Variants in AMOTL1 observed in about 807,000 individuals in gnomAD.
AMOTL1 encodes angiomotin like 1.
In AMOTL1, 45 loss-of-function variants were observed where a neutral mutation model predicts 102.9. That is an observed-to-expected ratio of 0.44 (90% CI 0.34 to 0.56). The LOEUF (loss-of-function observed/expected upper bound fraction) is 0.56, where lower values mean the gene tolerates loss of function less well. AMOTL1 is among the 20% of genes least tolerant of loss of function. The pLI is 0.01. For missense variants in AMOTL1, 1,114 were observed against 1,225.6 expected (o/e 0.91, Z 1.36); for synonymous variants, 481 against 484.7 (o/e 0.99, Z 0.10).
chr11:94,866,354 A>AC, intron 11 of AMOTL1, 186 bp downstream of exon 11: 1 of 623,552 alleles, frequency 1.6e-6, no homozygotes, highest in Non-Finnish European at 2.8e-6. Context: ...AATTCTAAAG[A>AC]CTGCACCACT....
chr11:94,800,233 C>A lies in AMOTL1; in HGVS notation c.1043C>A (p.Pro348His). The change falls in exon 3 of 13, where the codon CCC (proline) becomes CAC (histidine). Residue 348 changes from proline (P) to histidine (H), a missense_variant. Coordinates refer to ENST00000433060, the MANE Select transcript of AMOTL1 (RefSeq NM_130847.3). ...GGGATGCTCCACGAGATGGTCAAGCCCTACCCTGCTCCTCAGCCTGTGAGA... is the reference window on the plus strand; with the variant it reads ...GGGATGCTCCACGAGATGGTCAAGCACTACCCTGCTCCTCAGCCTGTGAGA... ...HPGMLHEMVK[P>H]YPAPQPVRTD... 6.2e-7 allele frequency: 1 copy of A among 1,613,992 alleles called. No homozygotes were observed. Among genetic ancestry groups the A allele is most frequent in the Non-Finnish European group, 8.5e-7 (1 of 1,179,880 alleles).
In AMOTL1 at chr11:94,790,959, A is replaced by AT. The variant is rs200795988; in HGVS notation, c.50-4044dup. Reference sequence around the variant, plus strand: ...CAACTCACTTCATTCACCTTAATTCATTTTTTTTCCCTTCAACAATGAAGC... The same window carrying AT: ...CAACTCACTTCATTCACCTTAATTCATTTTTTTTTCCCTTCAACAATGAAGC... On this transcript the variant is annotated intron_variant, in intron 1 of 12. Transcript: ENST00000433060. Among the ~76,000 whole-genome samples the AT allele has an allele frequency of 9.3e-4, 141 of 151,752 alleles. 1 individual carries two copies. In the East Asian group the frequency reaches 0.018, roughly 19 times the overall value.
At chr11:94,708,212 T>G in intron 1 of AMOTL1, among the ~76,000 whole-genome samples, 1 of 152,212 alleles carries the variant, frequency 6.6e-6, no homozygotes, top group East Asian at 1.9e-4. Flanking sequence ...AAGCTTCTTG[T>G]TTTACTAAGC....
chr11:94,784,533 T>A (rs951192521), intron 1 of AMOTL1, among the ~76,000 whole-genome samples: 4 of 152,200 alleles, frequency 2.6e-5, no homozygotes. Flanking sequence ...TGAAAAGTAA[T>A]AAATTATAGG....
chr11:94,845,276 C>CT (rs1565378525), intron 6 of AMOTL1, among the ~76,000 whole-genome samples: 1 of 152,204 alleles, frequency 6.6e-6, no homozygotes, highest in East Asian at 1.9e-4. Context: ...AAGGGGACAT[C>CT]TTTGAATTAT....
intron 3 of AMOTL1, among the ~76,000 whole-genome samples, chr11:94,741,880 G>A (rs115069294): frequency 0.013 from 2,034 of 152,258 alleles, 47 homozygotes; most frequent in African/African-American, 0.046. Flanking sequence ...AGGAGGAGGG[G>A]AACTGTCCAC....
At chr11:94,795,367 CTCTG>C (rs1371476589) in intron 2 of AMOTL1, among the ~76,000 whole-genome samples, 4 of 152,118 alleles carry the variant, frequency 2.6e-5, no homozygotes, top group South Asian at 4.1e-4. Context: ...TAATATGTGA[CTCTG>C]TCTGAGAGCA....
intron 7 of AMOTL1, among the ~76,000 whole-genome samples, chr11:94,853,356 G>A (rs546049635): frequency 4.5e-4 from 68 of 150,916 alleles, no homozygotes; most frequent in Middle Eastern, 6.8e-3. Flanking sequence ...GTGCCTATAT[G>A]TTCTCATTGT....
At chr11:94,842,254 A>G (rs1464583476) in intron 6 of AMOTL1, among the ~76,000 whole-genome samples, 1 of 152,218 alleles carries the variant, frequency 6.6e-6, no homozygotes, top group Non-Finnish European at 1.5e-5. Context: ...AGTCCTACGA[A>G]GATAGAAGGG....
intron 3 of AMOTL1, among the ~76,000 whole-genome samples, chr11:94,753,419 T>A (rs1950682491): frequency 6.6e-6 from 1 of 151,832 alleles, no homozygotes; most frequent in Non-Finnish European, 1.5e-5. Context: ...TTGCTGACAT[T>A]GAAAAAAGAT....
intron 6 of AMOTL1, among the ~76,000 whole-genome samples, chr11:94,841,008 C>T (rs1952291071): frequency 6.6e-6 from 1 of 152,068 alleles, no homozygotes; most frequent in Admixed American, 6.6e-5. Flanking sequence ...CTTCTGTTCA[C>T]ATTTTAACAC....
intron 1 of AMOTL1, among the ~76,000 whole-genome samples, chr11:94,726,985 G>A (rs1743123455): frequency 6.6e-6 from 1 of 152,122 alleles, no homozygotes; most frequent in East Asian, 1.9e-4. Flanking sequence ...CACTCACCAT[G>A]GGCCTATGTA....
At chr11:94,789,307 C>T (rs972083776) in intron 1 of AMOTL1, among the ~76,000 whole-genome samples, 1 of 152,032 alleles carries the variant, frequency 6.6e-6, no homozygotes, top group Non-Finnish European at 1.5e-5. Context: ...TACAGGTGCC[C>T]GCCACCATGC....
intron 8 of AMOTL1, among the ~76,000 whole-genome samples, chr11:94,858,513 G>A (rs986871575): frequency 6.6e-6 from 1 of 152,116 alleles, no homozygotes; most frequent in South Asian, 2.1e-4. Context: ...TTAATCTAGG[G>A]GATTATGTGG....
At chr11:94,741,851 T>C (rs1950532030) in intron 3 of AMOTL1, among the ~76,000 whole-genome samples, 1 of 152,192 alleles carries the variant, frequency 6.6e-6, no homozygotes, top group South Asian at 2.1e-4. Context: ...ATTTATTTTA[T>C]GATATATGTT....
At chr11:94,837,554 T>TAGG (rs1441491953) in intron 6 of AMOTL1, among the ~76,000 whole-genome samples, 3 of 152,184 alleles carry the variant, frequency 2.0e-5, no homozygotes, top group African/African-American at 7.2e-5. Context: ...TCAACCTTGA[T>TAGG]AGGCAGCACT....
rs147144075 is a variant in AMOTL1, at chr11:94,737,271, A to G, written c.86-3667A>G. On this transcript the variant is annotated intron_variant, in intron 2 of 4. Transcript: ENST00000299004. ...CTCCAAGTAACCAGCCTTCAAGCCA[A>G]CTCTTGGAATGCAAACTAAAAGTTG... Among the ~76,000 whole-genome samples, 59 of 152,326 alleles carry G rather than the reference A, an allele frequency of 3.9e-4. 1 individual carries two copies. The highest frequency in any genetic ancestry group is 1.3e-3 in the African/African-American group (54 of 41,566).
In AMOTL1 at chr11:94,821,643, C is replaced by G; in HGVS notation, c.1235C>G (p.Pro412Arg). The G allele has an allele frequency of 6.2e-7, 1 of 1,613,896 alleles. No homozygotes were observed. Among genetic ancestry groups the G allele is most frequent in the Non-Finnish European group, 8.5e-7 (1 of 1,179,878 alleles). Residue 412 changes from proline (P) to arginine (R), a missense_variant, in exon 4 of 13, where the codon CCG becomes CGG. Pro to Arg is a moderately radical substitution (Grantham distance 103). Transcript: ENST00000433060. ...TCTGTCTCCCTGCCGCTTCCACTCC[C>G]GATGGCCCTGGGTGCTCCACAGCCC... ...LHSVSLPLPL[P>R]MALGAPQPPP...
chr11:94,808,604 G>A lies in AMOTL1; in HGVS notation c.1121+8293G>A, dbSNP rs114732548. On this transcript the variant is annotated intron_variant, in intron 3 of 12. Coordinates refer to ENST00000433060, the MANE Select transcript of AMOTL1 (RefSeq NM_130847.3). ...TTGAGAATCTGGGGACCCCAGAGTG[G>A]GAACAGCTAGTCTGTTGCATGAGTT... Among the ~76,000 whole-genome samples, 228 of 152,254 alleles carry A rather than the reference G, an allele frequency of 1.5e-3. 2 individuals carry two copies. Among genetic ancestry groups the A allele is most frequent in the African/African-American group, 5.2e-3 (216 of 41,540 alleles).
Sources: gnomAD v4.1 joint callset for allele counts (sites outside exome capture counted in the v4.1 genomes callset) on GRCh38, gnomAD v4.1.1 for gene constraint, MANE v1.5 for transcripts, NCBI Gene and HGNC (gene_info 2026-07-23, HGNC 2026-07-21) for gene names.